FGF13: variants seen among roughly 807,000 people sequenced by gnomAD.
FGF13 encodes the protein fibroblast growth factor homologous factor 2.
A neutral mutation model predicts 19.5 loss-of-function variants in FGF13; 2 were observed. That is an observed-to-expected ratio of 0.10 (90% CI 0.04 to 0.32). FGF13 has a LOEUF of 0.32. Among genes scored for constraint, FGF13 ranks in the 10% least tolerant of loss-of-function variants. The pLI is 1.00. For missense variants in FGF13, 113 were observed against 192.7 expected (o/e 0.59, Z 2.45); for synonymous variants, 72 against 76.9 (o/e 0.94, Z 0.33).
intron 1 of FGF13, among the ~76,000 whole-genome samples, chrX:139,189,145 A>G (rs2084304263): frequency 9.0e-6 from 1 of 110,927 alleles, no homozygotes; most frequent in Admixed American, 9.6e-5. Context: ...AAAAAGTCCT[A>G]TTTACTCTAC....
chrX:138,711,888 C>T (rs190166036), upstream of FGF13, among the ~76,000 whole-genome samples: 53 of 107,707 alleles, frequency 4.9e-4, no homozygotes, highest in East Asian at 0.011. Context: ...CCCAGTCGTC[C>T]AAATCCTTCT....
intron 1 of FGF13, among the ~76,000 whole-genome samples, chrX:138,965,167 C>A (rs1411868177): frequency 8.0e-5 from 9 of 112,325 alleles, no homozygotes; most frequent in Admixed American, 4.7e-4. Context: ...AATGGCCTCC[C>A]CAGGATATGC....
At chrX:139,197,743 G>A (rs1384793880) in intron 1 of FGF13, among the ~76,000 whole-genome samples, 2 of 111,661 alleles carry the variant, frequency 1.8e-5, no homozygotes, top group African/African-American at 6.5e-5. Context: ...TGTAATCCCA[G>A]CACTTTGGGA....
At chrX:138,926,650 T>C (rs938946095) in intron 1 of FGF13, among the ~76,000 whole-genome samples, 1 of 111,814 alleles carries the variant, frequency 8.9e-6, no homozygotes, top group African/African-American at 3.3e-5. Flanking sequence ...GGAGCATGCC[T>C]AGTATATTTT....
Position 138,625,467 on chromosome X carries a change from TATAC to T in FGF13, c.*7379_*7382del, listed in dbSNP as rs2089050047. ...GAATGAAGAAAGAAAATTATATATA[TATAC>T]ATATATATATATAATATATATATAT... On this transcript the variant is annotated 3_prime_UTR_variant, in exon 5 of 5. Coordinates refer to ENST00000315930, the MANE Select transcript of FGF13 (RefSeq NM_004114.5). The T allele has an allele frequency of 1.0e-5, 1 of 95,476 alleles. No homozygotes were observed. The highest frequency in any genetic ancestry group is 1.2e-4 in the Admixed American group (1 of 8,306). The allele number at this position is 95,476 out of a possible 1,213,427, so 7.9% of individuals were successfully genotyped here.
intron 1 of FGF13, among the ~76,000 whole-genome samples, chrX:138,993,595 CA>C (rs2092028247): frequency 9.0e-6 from 1 of 111,137 alleles, no homozygotes; most frequent in African/African-American, 3.3e-5. Context: ...AGCTGAATAC[CA>C]TCCCTTCTAA....
intron 3 of FGF13, among the ~76,000 whole-genome samples, chrX:138,826,270 C>T (rs759272985): frequency 8.9e-5 from 10 of 111,781 alleles, no homozygotes; most frequent in South Asian, 3.8e-4. Context: ...TTGCTATTTC[C>T]GGAAACCTCT....
intron 3 of FGF13, among the ~76,000 whole-genome samples, chrX:138,669,883 G>T (rs780035294): frequency 1.8e-5 from 2 of 111,380 alleles, no homozygotes; most frequent in South Asian, 7.6e-4. Flanking sequence ...TCTCAGTATT[G>T]CTCATGGGAA....
intron 1 of FGF13, among the ~76,000 whole-genome samples, chrX:138,873,453 G>A (rs774472676): frequency 4.5e-5 from 5 of 111,958 alleles, no homozygotes; most frequent in Non-Finnish European, 3.8e-5. Context: ...TAAGGACGTG[G>A]GAAAGATAAT....
intron 3 of FGF13, among the ~76,000 whole-genome samples, chrX:138,849,324 CAT>C (rs2091207029): frequency 8.9e-6 from 1 of 112,010 alleles, no homozygotes. Flanking sequence ...ATTTGGGAAA[CAT>C]ATTTGACCAC....
chrX:139,072,519 T>C (rs907789228), intron 1 of FGF13, among the ~76,000 whole-genome samples: 1 of 111,964 alleles, frequency 8.9e-6, no homozygotes, highest in African/African-American at 3.2e-5. Context: ...TTTAACTGGA[T>C]ATAAAGTTCT....
rs138617884 is a variant in FGF13, at chrX:139,141,688, G to A, written c.-113+61728C>T. On this transcript the variant is annotated intron_variant, in intron 1 of 2. Coordinates refer to the FGF13 transcript ENST00000421460. ...AAAAGTCAATTTCCTGGAAAAGTCCGTCAGGTTTGTACATCTCCTTTGCAG... is the reference window on the plus strand; with the variant it reads ...AAAAGTCAATTTCCTGGAAAAGTCCATCAGGTTTGTACATCTCCTTTGCAG... Among the ~76,000 whole-genome samples the A allele has an allele frequency of 3.3e-4, 37 of 112,300 alleles. No homozygotes were observed. In the East Asian group the frequency reaches 6.7e-3, roughly 20 times the overall value.
At chrX:138,969,858 T>C (rs2091908580) in intron 1 of FGF13, among the ~76,000 whole-genome samples, 1 of 111,730 alleles carries the variant, frequency 9.0e-6, no homozygotes, top group Non-Finnish European at 1.9e-5. Flanking sequence ...TCAAAGCAAA[T>C]CAATCAAATC....
chrX:139,028,582 C>CGTGTGTGTGTGTGTGT (rs1203709668), intron 1 of FGF13, among the ~76,000 whole-genome samples: 1,391 of 61,416 alleles, frequency 0.023, 28 homozygotes, highest in Non-Finnish European at 0.033. Flanking sequence ...GGAGAGAGAG[C>CGTGTGTGTGTGTGTGT]GTGTGTGTGT....
intron 1 of FGF13, among the ~76,000 whole-genome samples, chrX:138,952,881 C>T (rs1312853006): frequency 9.1e-6 from 1 of 110,378 alleles, no homozygotes; most frequent in Non-Finnish European, 1.9e-5. Context: ...CAATGAGATA[C>T]CACCTCACAC....
chrX:138,955,465 T>C (rs1005935625), intron 1 of FGF13, among the ~76,000 whole-genome samples: 1 of 111,994 alleles, frequency 8.9e-6, no homozygotes, highest in Non-Finnish European at 1.9e-5. Context: ...AAGACTCTCC[T>C]AATGTGGGTA....
intron 3 of FGF13, among the ~76,000 whole-genome samples, chrX:138,769,546 A>G (rs1056693038): frequency 8.0e-5 from 9 of 111,995 alleles, no homozygotes; most frequent in Non-Finnish European, 1.1e-4. Flanking sequence ...ATCATGGAAA[A>G]TCAGTAAGTT....
intron 3 of FGF13, among the ~76,000 whole-genome samples, chrX:138,778,574 G>A (rs988681180): frequency 8.9e-6 from 1 of 112,131 alleles, no homozygotes; most frequent in African/African-American, 3.2e-5. Context: ...CTGGAAAATC[G>A]GGTCTCTCCC....
chrX:138,982,687 C>G (rs764356707), intron 1 of FGF13, among the ~76,000 whole-genome samples: 1 of 112,110 alleles, frequency 8.9e-6, no homozygotes, highest in Admixed American at 9.4e-5. Flanking sequence ...AGTGGCAGAG[C>G]AGTCATCAGC....
Sources: gnomAD v4.1 joint callset for allele counts (sites outside exome capture counted in the v4.1 genomes callset) on GRCh38, gnomAD v4.1.1 for gene constraint, MANE v1.5 for transcripts, NCBI Gene and HGNC (gene_info 2026-07-23, HGNC 2026-07-21) for gene names.